The following TXNRD3 variants were observed in gnomAD, a reference collection of about 807,000 sequenced individuals.
TXNRD3 encodes the protein TXNRD3 neighbor gene protein.
TXNRD3 carries 68 observed loss-of-function variants against 78.2 expected under a neutral mutation model. The ratio of observed to expected loss-of-function variants is 0.87; its 90% confidence interval spans 0.72 to 1.06. The LOEUF (loss-of-function observed/expected upper bound fraction) is 1.06. Among genes scored for constraint, TXNRD3 ranks in the 50% least tolerant of loss-of-function variants. The pLI is 0.00. For missense variants in TXNRD3, 751 were observed against 809.5 expected (o/e 0.93, Z 0.88); for synonymous variants, 296 against 300.1 (o/e 0.99, Z 0.14).
intron 6 of TXNRD3, among the ~76,000 whole-genome samples, chr3:126,637,706 T>C (rs1932940337): frequency 6.6e-6 from 1 of 152,260 alleles, no homozygotes; most frequent in East Asian, 1.9e-4. Flanking sequence ...AGCTTTATCC[T>C]AGTAAGTAAT....
At chr3:126,631,072 T>C (rs1404882282) in intron 8 of TXNRD3, 135 bp from the exon 9 acceptor site, 4 of 913,028 alleles carry the variant, frequency 4.4e-6, no homozygotes, top group Non-Finnish European at 6.4e-6. Context: ...CTTTTGAAAT[T>C]TGTAATTGAG....
chr3:126,636,739 T>C (rs1386120201), intron 6 of TXNRD3, among the ~76,000 whole-genome samples: 5 of 152,192 alleles, frequency 3.3e-5, no homozygotes, highest in Non-Finnish European at 4.4e-5. Context: ...TTTTAGACTA[T>C]CTTTCTGTAT....
At chr3:126,647,158 T>G in intron 2 of TXNRD3, 78 bp downstream of exon 2, 1 of 1,156,926 alleles carries the variant, frequency 8.6e-7, no homozygotes, top group South Asian at 1.6e-5. Context: ...TAATCTGAAT[T>G]GAACAAAGTA....
intron 3 of TXNRD3, 114 bp from the exon 4 acceptor site, chr3:126,644,515 T>C (rs1933183827): frequency 1.4e-6 from 1 of 730,382 alleles, no homozygotes; most frequent in Non-Finnish European, 2.2e-6. Flanking sequence ...TTAGGAAAAA[T>C]CTATAATTCA....
In TXNRD3 at chr3:126,644,301, G is replaced by C. The variant is rs1481599991; in HGVS notation, c.515C>G (p.Ala172Gly). ...GTTTCATTTCTATATTCATACCTTC[G>C]CACATGAAAGGCCTCCAGAACCACC... Residue 172 changes from alanine to glycine, a missense_variant, in exon 4 of 16, where the codon GCG becomes GGG. Transcript: ENST00000524230. The C allele has an allele frequency of 1.0e-5, 16 of 1,535,170 alleles. No homozygotes were observed. The highest frequency in any genetic ancestry group is 1.4e-5 in the Non-Finnish European group (16 of 1,146,320).
intron 1 of TXNRD3, among the ~76,000 whole-genome samples, chr3:126,648,570 G>C (rs1933295688): frequency 1.3e-5 from 2 of 152,134 alleles, no homozygotes; most frequent in African/African-American, 4.8e-5. Context: ...TTTTTTACAA[G>C]GGTGCCAAGA....
chr3:126,629,071 T>G (rs1026440358), intron 10 of TXNRD3, among the ~76,000 whole-genome samples: 8 of 152,192 alleles, frequency 5.3e-5, no homozygotes, highest in Middle Eastern at 3.4e-3. Context: ...ATATTCAATA[T>G]TTATTGCAAA....
In TXNRD3 at chr3:126,612,124, G is replaced by C. The variant is rs531966767; in HGVS notation, c.1633-992C>G. ...TGAGATCTCAGCTCACTGCAGCCTT[G>C]ACTGCCCAGGTTCGAGCGATCCTCC... On this transcript the variant is annotated intron_variant, in intron 13 of 15. Transcript: ENST00000524230. Among the ~76,000 whole-genome samples, 11 of 152,094 alleles carry C rather than the reference G, an allele frequency of 7.2e-5. No homozygotes were observed. The South Asian group carries it at 2.3e-3, about 32-fold the overall frequency.
chr3:126,622,581 C>A (rs769891337), intron 10 of TXNRD3, 41 bp from the exon 11 acceptor site: 1 of 1,445,450 alleles, frequency 6.9e-7, no homozygotes, highest in Non-Finnish European at 9.3e-7. Flanking sequence ...TTATCCATAT[C>A]GGGAATGAAA....
chr3:126,653,460 T>G (rs1008094890), intron 1 of TXNRD3, among the ~76,000 whole-genome samples: 1 of 152,260 alleles, frequency 6.6e-6, no homozygotes, highest in African/African-American at 2.4e-5. Flanking sequence ...AAATGATGCA[T>G]GAACACACTG....
At chr3:126,619,726 C>T (rs1209238824) in intron 12 of TXNRD3, among the ~76,000 whole-genome samples, 1 of 152,122 alleles carries the variant, frequency 6.6e-6, no homozygotes, top group Non-Finnish European at 1.5e-5. Flanking sequence ...AGAATGTTCC[C>T]ACATAAATAA....
At chr3:126,651,193 C>A (rs527591711) in intron 1 of TXNRD3, among the ~76,000 whole-genome samples, 1 of 152,104 alleles carries the variant, frequency 6.6e-6, no homozygotes, top group Non-Finnish European at 1.5e-5. Context: ...AGTTAGTGAG[C>A]GGCCACATGT....
intron 10 of TXNRD3, among the ~76,000 whole-genome samples, chr3:126,628,747 A>G (rs1938639081): frequency 1.3e-5 from 2 of 152,128 alleles, no homozygotes; most frequent in Non-Finnish European, 2.9e-5. Context: ...AGTGTTTCCA[A>G]ATTTTCCTAT....
intron 6 of TXNRD3, among the ~76,000 whole-genome samples, chr3:126,636,855 C>T (rs1039497774): frequency 5.9e-5 from 9 of 152,038 alleles, no homozygotes; most frequent in Admixed American, 5.9e-4. Context: ...CTGCAGGAGG[C>T]CCAGGATGGC....
chr3:126,647,180 G>A (rs756804613), intron 2 of TXNRD3, 56 bp downstream of exon 2: 84 of 1,317,542 alleles, frequency 6.4e-5, no homozygotes, highest in Admixed American at 4.8e-4. Flanking sequence ...ATGGAAAGAA[G>A]TCAATCTCGC....
chr3:126,652,099 CG>C (rs1933405705), intron 1 of TXNRD3, among the ~76,000 whole-genome samples: 1 of 152,080 alleles, frequency 6.6e-6, no homozygotes, highest in African/African-American at 2.4e-5. Context: ...AATTGGCTCA[CG>C]GTTCTGTAGA....
intron 9 of TXNRD3, among the ~76,000 whole-genome samples, chr3:126,629,689 T>C (rs1318323521): frequency 6.6e-6 from 1 of 152,130 alleles, no homozygotes; most frequent in African/African-American, 2.4e-5. Context: ...TTAGTTGAGA[T>C]TGGAGGGAGC....
chr3:126,608,488 C>A lies in TXNRD3; in HGVS notation c.1863+11G>T. 1 of 1,520,738 alleles carries A rather than the reference C, an allele frequency of 6.6e-7. No individual in the cohort carries two copies. The highest frequency in any genetic ancestry group is 8.8e-7 in the Non-Finnish European group (1 of 1,141,118). 94.2% of individuals were successfully genotyped at this position (1,520,738 alleles called of 1,614,324 possible). On this transcript the variant is annotated intron_variant, in intron 15 of 15. Coordinates refer to ENST00000524230, the MANE Select transcript of TXNRD3 (RefSeq NM_052883.3). ...AACTGAAGCCAATTTTTAAAACCTC[C>A]TGTTTCCTACCTCCCCACATGTGGG...
intron 15 of TXNRD3, 149 bp from the exon 16 acceptor site, chr3:126,608,122 A>G: frequency 1.7e-6 from 1 of 595,800 alleles, no homozygotes. Flanking sequence ...GTACTTTGGG[A>G]GGCTGAGGCA....
Sources: gnomAD v4.1 joint callset for allele counts (sites outside exome capture counted in the v4.1 genomes callset) on GRCh38, gnomAD v4.1.1 for gene constraint, MANE v1.5 for transcripts, NCBI Gene and HGNC (gene_info 2026-07-23, HGNC 2026-07-21) for gene names.